The following MYO9A variants were observed in gnomAD, a reference collection of about 807,000 sequenced individuals.
MYO9A encodes the protein myosin IXA.
Under a neutral mutation model 293.3 loss-of-function variants are expected in MYO9A, and 103 were observed. The observed-to-expected ratio is 0.35, with a 90% CI of 0.30 to 0.41. The LOEUF is 0.41. MYO9A is among the 10% of genes least tolerant of loss of function. The pLI is 1.00. For missense variants in MYO9A, 2,685 were observed against 3,033.0 expected (o/e 0.89, Z 2.69); for synonymous variants, 1,001 against 1,035.7 (o/e 0.97, Z 0.64).
intron 11 of MYO9A, among the ~76,000 whole-genome samples, chr15:71,983,465 T>A (rs76965883): frequency 6.7e-6 from 1 of 149,462 alleles, no homozygotes; most frequent in African/African-American, 2.4e-5. Flanking sequence ...TTATTTTTTT[T>A]ATTTCTTTTT....
intron 3 of MYO9A, 96 bp downstream of exon 3, chr15:72,032,398 A>G (rs2077901347): frequency 1.4e-6 from 1 of 713,646 alleles, no homozygotes; most frequent in African/African-American, 1.8e-5. Context: ...TGCTGACACC[A>G]ATGTCTGGGA....
At chr15:71,835,890 A>AAGAT (rs2054920882) in intron 39 of MYO9A, among the ~76,000 whole-genome samples, 1 of 152,126 alleles carries the variant, frequency 6.6e-6, no homozygotes, top group Non-Finnish European at 1.5e-5. Flanking sequence ...TGTTGGTACA[A>AAGAT]AGATAGTCAA....
intron 4 of MYO9A, among the ~76,000 whole-genome samples, chr15:72,021,806 G>A (rs1453111959): frequency 6.6e-6 from 1 of 152,172 alleles, no homozygotes; most frequent in Non-Finnish European, 1.5e-5. Context: ...CATGCATAAT[G>A]CTGTGGACAT....
chr15:71,832,224 C>T (rs2054757581), intron 39 of MYO9A, among the ~76,000 whole-genome samples: 1 of 152,096 alleles, frequency 6.6e-6, no homozygotes, highest in African/African-American at 2.4e-5. Flanking sequence ...TGCAGTGAGC[C>T]AAGATTACGC....
chr15:72,005,636 CT>C (rs1437323967), intron 8 of MYO9A, among the ~76,000 whole-genome samples: 2 of 152,224 alleles, frequency 1.3e-5, no homozygotes, highest in Non-Finnish European at 2.9e-5. Flanking sequence ...TCCCCTGCCT[CT>C]TCCTCTGCCA....
intron 3 of MYO9A, among the ~76,000 whole-genome samples, chr15:72,031,153 G>A (rs1332342290): frequency 1.3e-5 from 2 of 152,192 alleles, no homozygotes; most frequent in Non-Finnish European, 2.9e-5. Flanking sequence ...CCCAGTCTGT[G>A]GAAAAATTGT....
intron 12 of MYO9A, among the ~76,000 whole-genome samples, chr15:71,977,339 C>T (rs1222146304): frequency 6.6e-6 from 1 of 152,210 alleles, no homozygotes; most frequent in East Asian, 1.9e-4. Context: ...TGGGTTCAAG[C>T]GGTTCTCATG....
At chr15:72,067,755 T>C (rs2079064335) in intron 1 of MYO9A, among the ~76,000 whole-genome samples, 1 of 152,220 alleles carries the variant, frequency 6.6e-6, no homozygotes, top group Admixed American at 6.5e-5. Flanking sequence ...AAAATGAGAT[T>C]TTATTTTCTT....
Position 72,007,807 on chromosome 15 carries a change from T to G in MYO9A, c.1380+19A>C, listed in dbSNP as rs1241816737. On this transcript the variant is annotated intron_variant, in intron 8 of 41. Transcript: ENST00000356056. The stretch of plus-strand genomic sequence containing the variant: ...AGTTACAAAGATTTGAAATGACAAC[T>G]GAAAATGTAATCACTCACCTCTAAT... 2 of 1,599,244 alleles carry G rather than the reference T, an allele frequency of 1.3e-6. No individual in the cohort carries two copies. Among genetic ancestry groups the G allele is most frequent in the East Asian group, 4.5e-5 (2 of 44,560 alleles).
intron 36 of MYO9A, 46 bp from the exon 37 acceptor site, chr15:71,851,404 T>C (rs778741791): frequency 3.4e-6 from 5 of 1,451,062 alleles, no homozygotes; most frequent in Middle Eastern, 1.7e-4. Context: ...TCCCCCCTTA[T>C]ACAGTGTATC....
Position 71,893,717 on chromosome 15 carries a change from A to T in MYO9A, c.5104T>A (p.Trp1702Arg). The T allele has an allele frequency of 6.2e-7, 1 of 1,614,044 alleles. No individual in the cohort carries two copies. The highest frequency in any genetic ancestry group is 8.5e-7 in the Non-Finnish European group (1 of 1,179,962). Residue 1702 changes from tryptophan to arginine, a missense_variant, in exon 26 of 42, where the codon TGG (tryptophan) becomes AGG (arginine). Trp to Arg is a moderately radical substitution (Grantham distance 101). This residue lies in a region of MYO9A where 1,434 missense variants were observed against 1,497.7 expected (regional missense o/e 0.96). Transcript: ENST00000356056. ...GGCCCAGCTAACTTCACAGGTTTCC[A>T]TGCTGGTTCATCTTCTTTATGGAGT... is the stretch of plus-strand genomic sequence containing the variant. ...PQLHKEDEPA[W>R]KPVKLAGPGQ...
At chr15:71,860,689 G>A (rs1276819959) in intron 33 of MYO9A, among the ~76,000 whole-genome samples, 1 of 152,040 alleles carries the variant, frequency 6.6e-6, no homozygotes, top group East Asian at 1.9e-4. Context: ...ATCAGGCCAG[G>A]CACAGTGGCT....
At chr15:72,030,013 C>T (rs2077812675) in intron 3 of MYO9A, among the ~76,000 whole-genome samples, 1 of 152,214 alleles carries the variant, frequency 6.6e-6, no homozygotes, top group Non-Finnish European at 1.5e-5. Context: ...TTCTTCCTCC[C>T]ACTTCCAATT....
intron 26 of MYO9A, chr15:71,893,436 G>A (rs747961169): frequency 1.9e-6 from 1 of 529,982 alleles, no homozygotes; most frequent in Non-Finnish European, 3.3e-6. Flanking sequence ...CACTGCCATA[G>A]TAAGTCAACA....
intron 18 of MYO9A, among the ~76,000 whole-genome samples, chr15:71,921,254 T>G (rs2058148470): frequency 6.6e-6 from 1 of 152,212 alleles, no homozygotes; most frequent in Non-Finnish European, 1.5e-5. Context: ...GAAAGCTGCC[T>G]CTGCATTTCA....
intron 14 of MYO9A, among the ~76,000 whole-genome samples, chr15:71,956,689 T>C (rs1240054443): frequency 1.3e-5 from 2 of 150,596 alleles, no homozygotes; most frequent in East Asian, 1.9e-4. Context: ...ATATCTCTCT[T>C]ATATACACGT....
intron 12 of MYO9A, among the ~76,000 whole-genome samples, chr15:71,968,623 C>T (rs1437433203): frequency 6.6e-6 from 1 of 152,080 alleles, no homozygotes; most frequent in East Asian, 1.9e-4. Context: ...ATTGATTGTA[C>T]TGATCAACTG....
At chr15:72,062,577 T>C (rs1473103002) in intron 1 of MYO9A, among the ~76,000 whole-genome samples, 1 of 152,092 alleles carries the variant, frequency 6.6e-6, no homozygotes, top group African/African-American at 2.4e-5. Flanking sequence ...CATCAGAGTC[T>C]CTCAACAGCA....
intron 1 of MYO9A, among the ~76,000 whole-genome samples, chr15:72,090,017 T>C (rs1043120210): frequency 1.3e-5 from 2 of 152,206 alleles, no homozygotes; most frequent in Non-Finnish European, 2.9e-5. Flanking sequence ...TAAGACTAAG[T>C]ATACAGGAAT....
Sources: allele counts gnomAD v4.1 joint callset (sites outside exome capture counted in the v4.1 genomes callset), GRCh38; gene constraint gnomAD v4.1.1; regional missense constraint gnomAD v4.1.1; transcripts MANE v1.5; gene names NCBI Gene and HGNC (gene_info 2026-07-23, HGNC 2026-07-21).